ZNF559: variants seen among roughly 807,000 people sequenced by gnomAD.
ZNF559 encodes putative protein product of Nbla00121.
ZNF559 carries 17 observed loss-of-function variants against 14.2 expected under a neutral mutation model. The ratio of observed to expected loss-of-function variants is 1.20; its 90% CI spans 0.82 to 1.80. The LOEUF is 1.80. ZNF559 is among the 40% of genes most tolerant of loss of function. The pLI is 0.00. For synonymous variants in ZNF559, 244 were observed against 212.4 expected, an observed-to-expected ratio of 1.15 and a Z score of -1.29; for missense variants, 740 against 629.7, an observed-to-expected ratio of 1.18 and a Z score of -1.88.
At chr19:9,329,461 G>A (rs2066821014) in intron 2 of ZNF559, among the ~76,000 whole-genome samples, 1 of 152,048 alleles carries the variant, frequency 6.6e-6, no homozygotes, top group Admixed American at 6.5e-5. Context: ...ATATCCTTTT[G>A]ATAAATTGGT....
At chr19:9,331,377 G>A (rs544230827) in intron 2 of ZNF559, among the ~76,000 whole-genome samples, 26 of 152,228 alleles carry the variant, frequency 1.7e-4, no homozygotes, top group Admixed American at 6.5e-4. Flanking sequence ...GAGCCACTAC[G>A]CCTAGCTTCC....
rs1011349095 is a variant in ZNF559 at position 9,339,188 on chromosome 19, T to C, written c.34-5T>C. 1.2e-6 allele frequency: 2 copies of C among 1,613,562 alleles called. No homozygotes were observed. Among genetic ancestry groups the C allele is most frequent in the Non-Finnish European group, 1.7e-6 (2 of 1,179,670 alleles). ...CCTGACGCCAGCATGTGTGTGATGG[T>C]TTAGGACTCAGTGACCTTTGAGGAT... is the stretch of plus-strand genomic sequence containing the variant. On this transcript the variant is annotated splice_polypyrimidine_tract_variant and splice_region_variant and intron_variant, in intron 4 of 6. Coordinates refer to ENST00000603380, the MANE Select transcript of ZNF559 (RefSeq NM_032497.3).
chr19:9,329,402 G>T (rs2066816996), intron 2 of ZNF559, among the ~76,000 whole-genome samples: 1 of 152,030 alleles, frequency 6.6e-6, no homozygotes, highest in South Asian at 2.1e-4. Context: ...TTTGCTTTAT[G>T]TATGATGAGC....
chr19:9,341,638 T>A (rs2067592589), intron 6 of ZNF559, 57 bp from the exon 7 acceptor site: 2 of 1,603,278 alleles, frequency 1.2e-6, no homozygotes, highest in African/African-American at 2.7e-5. Context: ...AAAGGGAGAA[T>A]CTCAATGAAA....
At chr19:9,327,230 T>G (rs111491731) in intron 2 of ZNF559, among the ~76,000 whole-genome samples, 3,276 of 101,442 alleles carry the variant, frequency 0.032, 111 homozygotes, top group African/African-American at 0.11. Context: ...TTTTTGGTTT[T>G]GTTTTGTTTT....
intron 2 of ZNF559, among the ~76,000 whole-genome samples, chr19:9,332,006 G>A (rs879668819): frequency 5.3e-5 from 8 of 152,150 alleles, no homozygotes; most frequent in Admixed American, 5.2e-4. Context: ...TCACTTAGAT[G>A]AGTTATTTTT....
intron 2 of ZNF559, among the ~76,000 whole-genome samples, chr19:9,328,896 G>A (rs972795088): frequency 3.9e-5 from 6 of 152,114 alleles, no homozygotes; most frequent in Non-Finnish European, 8.8e-5. Context: ...AAGCCCTCCA[G>A]GTGAAAGTGG....
chr19:9,326,058 T>C (rs1340104218), intron 2 of ZNF559, among the ~76,000 whole-genome samples: 1 of 151,808 alleles, frequency 6.6e-6, no homozygotes, highest in Non-Finnish European at 1.5e-5. Context: ...GTTGTTTGCA[T>C]GTTTTTAGAT....
rs756043470 is a variant in ZNF559, at chr19:9,341,188, A to C, written c.243+4A>C. The C allele has an allele frequency of 6.2e-7, 1 of 1,613,170 alleles. No individual in the cohort carries two copies. The highest frequency in any genetic ancestry group is 1.7e-5 in the Admixed American group (1 of 60,000). ...AACATCCAGTGTGGTGGAAATGGTAAGATTCAGAAGGTATAATTTATTGTC... is the reference window on the plus strand; with the variant it reads ...AACATCCAGTGTGGTGGAAATGGTACGATTCAGAAGGTATAATTTATTGTC... On this transcript the variant is annotated splice_donor_region_variant and intron_variant, in intron 6 of 6. Coordinates refer to ENST00000603380, the MANE Select transcript of ZNF559 (RefSeq NM_032497.3).
intron 2 of ZNF559, 93 bp from the exon 3 acceptor site, chr19:9,337,703 C>T (rs1400672315): frequency 1.2e-5 from 11 of 889,280 alleles, no homozygotes; most frequent in Non-Finnish European, 1.7e-5. Context: ...GTTTCTGGCA[C>T]ATGGGTACTA....
In ZNF559 at chr19:9,345,651, A is replaced by AT. The variant is rs1172047842; in HGVS notation, c.*2588dup. 9.7e-6 allele frequency: 1 copy of AT among 103,626 alleles called. No individual in the cohort carries two copies. The highest frequency in any genetic ancestry group is 3.5e-5 in the African/African-American group (1 of 28,480). 6.4% of individuals were successfully genotyped at this position (103,626 alleles called of 1,614,324 possible). A position where few individuals can be genotyped will look rare whatever the true frequency, so the allele number is the denominator to read the frequency against. ...TTTATATTGGCTTTATTTTTTATTT[A>AT]TTTTTATTTTTTTTTATATAGAGAC... is the stretch of plus-strand genomic sequence containing the variant. On this transcript the variant is annotated 3_prime_UTR_variant, in exon 7 of 7. Coordinates refer to ENST00000603380, the MANE Select transcript of ZNF559 (RefSeq NM_032497.3).
chr19:9,341,271 T>C (rs763324558), intron 6 of ZNF559, 87 bp downstream of exon 6: 42 of 1,225,032 alleles, frequency 3.4e-5, no homozygotes, highest in Admixed American at 3.2e-4. Context: ...ACAATAACCT[T>C]GAGACATTTG....
In ZNF559 at chr19:9,339,332, C is replaced by T; in HGVS notation, c.160+13C>T. The T allele has an allele frequency of 6.3e-7, 1 of 1,587,236 alleles. No individual in the cohort carries two copies. Among genetic ancestry groups the T allele is most frequent in the South Asian group, 1.1e-5 (1 of 88,278 alleles). Reference sequence around the variant, plus strand: ...CTAGTTGCAGTAGGTAAGGCTGGTACCATTCTTTTCATTTAGTTTTTTTCT... The same window carrying T: ...CTAGTTGCAGTAGGTAAGGCTGGTATCATTCTTTTCATTTAGTTTTTTTCT... On this transcript the variant is annotated intron_variant, in intron 5 of 6. Transcript: ENST00000603380.
At chr19:9,328,359 T>TC (rs1347655842) in intron 2 of ZNF559, among the ~76,000 whole-genome samples, 1 of 145,554 alleles carries the variant, frequency 6.9e-6, no homozygotes, top group Non-Finnish European at 1.5e-5. Context: ...TTTTTTTTTT[T>TC]TTTTTTTTTT....
chr19:9,324,510 G>GGGC, intron 1 of ZNF559, 185 bp from the exon 2 acceptor site: 1 of 1,331,896 alleles, frequency 7.5e-7, no homozygotes, highest in Non-Finnish European at 9.9e-7. Context: ...AAGCCTCATA[G>GGGC]GGCCCGGCGC....
chr19:9,326,295 C>G (rs895328715), intron 2 of ZNF559, among the ~76,000 whole-genome samples: 4 of 151,924 alleles, frequency 2.6e-5, no homozygotes, highest in Admixed American at 1.3e-4. Context: ...TTAGTAGAGA[C>G]AGGGTTTCAC....
chr19:9,325,659 A>G (rs8109209), intron 2 of ZNF559, among the ~76,000 whole-genome samples: 92,302 of 151,510 alleles, frequency 0.61, 28,743 homozygotes, highest in African/African-American at 0.73. Context: ...GGGCGTGGGC[A>G]CCTGTAATCC....
At chr19:9,327,870 A>G (rs7250768) in intron 2 of ZNF559, among the ~76,000 whole-genome samples, 3,209 of 152,148 alleles carry the variant, frequency 0.021, 110 homozygotes, top group African/African-American at 0.073. Flanking sequence ...TTGTGACACA[A>G]CTCTACTAAT....
At position 9,342,423 on chromosome 19, in the gene ZNF559, G is replaced by C; in HGVS notation, c.972G>C (p.Pro324=). 1 of 1,614,074 alleles carries C rather than the reference G, an allele frequency of 6.2e-7. No individual in the cohort carries two copies. The highest frequency in any genetic ancestry group is 8.5e-7 in the Non-Finnish European group (1 of 1,180,004). Residue 324 remains proline (P), a synonymous_variant, in exon 7 of 7, where the codon CCG becomes CCC. Transcript: ENST00000603380. Reference sequence around the variant, plus strand: ...TAAGGGTTCACACTGGAGAAAAACCGTATGAGTGCAACAAATGTGGGAAAG... The same window carrying C: ...TAAGGGTTCACACTGGAGAAAAACCCTATGAGTGCAACAAATGTGGGAAAG... ...IHIRVHTGEK[P]YECNKCGKAF...
Sources: gnomAD v4.1 joint callset for allele counts (sites outside exome capture counted in the v4.1 genomes callset) on GRCh38, gnomAD v4.1.1 for gene constraint, MANE v1.5 for transcripts, NCBI Gene and HGNC (gene_info 2026-07-23, HGNC 2026-07-21) for gene names.